The following EIF4E3 variants were observed in gnomAD, a reference collection of about 807,000 sequenced individuals.
EIF4E3 encodes the protein eukaryotic translation initiation factor 4E type 3.
A neutral mutation model predicts 31.7 loss-of-function variants in EIF4E3; 26 were observed. The observed-to-expected ratio is 0.82, with a 90% CI of 0.60 to 1.14. EIF4E3 has a LOEUF of 1.14. EIF4E3 is among the 50% of genes most tolerant of loss of function. The probability of loss-of-function intolerance (pLI) is 0.00; values close to 1 mark genes in which losing one functional copy is unlikely to be tolerated. For missense variants in EIF4E3, 304 were observed against 270.9 expected, an observed-to-expected ratio of 1.12 and a Z score of -0.86; for synonymous variants, 128 against 107.7, an observed-to-expected ratio of 1.19 and a Z score of -1.17.
chr3:71,703,602 C>T (rs979812236), intron 2 of EIF4E3, among the ~76,000 whole-genome samples: 1 of 152,222 alleles, frequency 6.6e-6, no homozygotes, highest in East Asian at 1.9e-4. Flanking sequence ...AACTATGCCC[C>T]ACCTTACAGC....
upstream of EIF4E3, among the ~76,000 whole-genome samples, chr3:71,753,777 A>T (rs577773272): frequency 1.4e-5 from 2 of 147,828 alleles, no homozygotes; most frequent in South Asian, 2.1e-4. Flanking sequence ...GGGGCTGCGG[A>T]CGGTGGCGAG....
intron 1 of EIF4E3, among the ~76,000 whole-genome samples, chr3:71,710,850 G>A (rs1214048273): frequency 1.3e-5 from 2 of 152,110 alleles, no homozygotes; most frequent in Non-Finnish European, 1.5e-5. Flanking sequence ...TTGTACAGAC[G>A]ACAACGAAAA....
At chr3:71,705,096 T>C (rs561293312) in intron 2 of EIF4E3, among the ~76,000 whole-genome samples, 1 of 152,246 alleles carries the variant, frequency 6.6e-6, no homozygotes, top group South Asian at 2.1e-4. Context: ...TCCTCCTCTC[T>C]CCCCTCAGGC....
chr3:71,684,659 A>G lies in EIF4E3; in HGVS notation c.*23T>C, dbSNP rs763353443. ...TTTCCAAAACCAATCAGCAAAGGAC[A>G]AAGAATTCTTTACAGAGTGCAATTA... On this transcript the variant is annotated 3_prime_UTR_variant, in exon 7 of 7. Coordinates refer to ENST00000425534, the MANE Select transcript of EIF4E3 (RefSeq NM_001134651.2). 1 of 1,613,830 alleles carries G rather than the reference A, an allele frequency of 6.2e-7. No individual in the cohort carries two copies. Among genetic ancestry groups the G allele is most frequent in the Non-Finnish European group, 8.5e-7 (1 of 1,179,858 alleles).
chr3:71,674,368 A>T (rs1281522748), downstream of EIF4E3, among the ~76,000 whole-genome samples: 2 of 151,652 alleles, frequency 1.3e-5, no homozygotes, highest in Non-Finnish European at 1.5e-5. Context: ...CAGCCTCCCA[A>T]AGTGCTGAGA....
At position 71,705,026 on chromosome 3, in the gene EIF4E3, A is replaced by C. The variant is rs375201900; in HGVS notation, c.250-5318T>G. 1.1e-4 allele frequency among the ~76,000 whole-genome samples: 16 copies of C among 152,230 alleles called. 1 individual carries two copies. In the East Asian group the frequency reaches 1.2e-3, roughly 11 times the overall value. ...ATACTGGATGCAAAGTCTGTGCTAG[A>C]CAGAACTATGAAGTGGACCTGGCTG... On this transcript the variant is annotated intron_variant, in intron 2 of 6. Coordinates refer to ENST00000425534, the MANE Select transcript of EIF4E3 (RefSeq NM_001134651.2).
downstream of EIF4E3, among the ~76,000 whole-genome samples, chr3:71,672,616 A>G (rs1466929270): frequency 6.6e-6 from 1 of 152,116 alleles, no homozygotes; most frequent in African/African-American, 2.4e-5. Context: ...ATCAAGTTTG[A>G]TTAATTTGTC....
intron 1 of EIF4E3, among the ~76,000 whole-genome samples, chr3:71,739,020 A>G (rs1487160679): frequency 7.0e-6 from 1 of 143,020 alleles, no homozygotes; most frequent in Non-Finnish European, 1.5e-5. Context: ...GTTAAAAAGG[A>G]AGTCTCAAAG....
At chr3:71,744,367 AC>A (rs1388125896) in intron 1 of EIF4E3, among the ~76,000 whole-genome samples, 1 of 152,250 alleles carries the variant, frequency 6.6e-6, no homozygotes, top group African/African-American at 2.4e-5. Flanking sequence ...ATAATTGCCA[AC>A]CCAGTAGAAT....
At chr3:71,703,811 C>CAAAAAAAAA (rs370789059) in intron 2 of EIF4E3, among the ~76,000 whole-genome samples, 11 of 72,414 alleles carry the variant, frequency 1.5e-4, no homozygotes, top group African/African-American at 1.7e-4. Flanking sequence ...AAACACACAT[C>CAAAAAAAAA]AAAAAAAAAA....
chr3:71,674,090 CTTTTTTTTTTTTTTTTT>C (rs71277509), downstream of EIF4E3, among the ~76,000 whole-genome samples: 6 of 25,056 alleles, frequency 2.4e-4, no homozygotes, highest in Non-Finnish European at 5.6e-4. Context: ...ATCAACTGTA[CTTTTTTTTTTTTTTTTT>C]TTTTTTTTTT....
chr3:71,669,432 C>T, the EIF4E3 span, among the ~76,000 whole-genome samples: 1 of 152,156 alleles, frequency 6.6e-6, no homozygotes, highest in Non-Finnish European at 1.5e-5. Flanking sequence ...GAGCCGCTTT[C>T]AAAACCTGTA....
chr3:71,724,911 T>G (rs980150024), intron 1 of EIF4E3, among the ~76,000 whole-genome samples: 3 of 152,004 alleles, frequency 2.0e-5, no homozygotes, highest in African/African-American at 7.2e-5. Context: ...CGCGTTCCGA[T>G]CGGAAGGGAA....
chr3:71,726,833 CAG>C (rs1394080138), upstream of EIF4E3, among the ~76,000 whole-genome samples: 3 of 152,158 alleles, frequency 2.0e-5, no homozygotes, highest in African/African-American at 4.8e-5. Context: ...AACACTAAAA[CAG>C]GGGAGGGTGC....
intron 2 of EIF4E3, among the ~76,000 whole-genome samples, chr3:71,704,147 C>T (rs911905236): frequency 1.3e-5 from 2 of 152,166 alleles, no homozygotes; most frequent in African/African-American, 4.8e-5. Flanking sequence ...AAGAGAGAGC[C>T]CAAGTGTGGA....
At position 71,684,424 on chromosome 3, in the gene EIF4E3, C is replaced by T. The variant is rs1043572414; in HGVS notation, c.*258G>A. ...AAAAAAAAAATCAGAGTGAAAAGAA[C>T]AGAGAATTTAGAAAGCCAAAAAAAA... On this transcript the variant is annotated 3_prime_UTR_variant, in exon 7 of 7. Transcript: ENST00000425534. 7 of 310,230 alleles carry T rather than the reference C, an allele frequency of 2.3e-5. No homozygotes were observed. Among genetic ancestry groups the T allele is most frequent in the Admixed American group, 9.8e-5 (2 of 20,396 alleles). 19.2% of individuals were successfully genotyped at this position (310,230 alleles called of 1,614,324 possible).
At chr3:71,688,058 T>G (rs1268505529) in intron 6 of EIF4E3, among the ~76,000 whole-genome samples, 1 of 152,224 alleles carries the variant, frequency 6.6e-6, no homozygotes, top group African/African-American at 2.4e-5. Context: ...ATCTTTGAGT[T>G]TTTAAATGCC....
At chr3:71,739,763 G>T (rs566054292) in intron 1 of EIF4E3, among the ~76,000 whole-genome samples, 8 of 152,016 alleles carry the variant, frequency 5.3e-5, no homozygotes, top group Non-Finnish European at 7.4e-5. Context: ...AGGGAACGTA[G>T]ATGTACAGAA....
chr3:71,717,449 A>G (rs1011981474), intron 1 of EIF4E3, among the ~76,000 whole-genome samples: 2 of 152,230 alleles, frequency 1.3e-5, no homozygotes, highest in Non-Finnish European at 2.9e-5. Flanking sequence ...GTTCTGTAAA[A>G]GCACTTAAAT....
Sources: gnomAD v4.1 joint callset for allele counts (sites outside exome capture counted in the v4.1 genomes callset) on GRCh38, gnomAD v4.1.1 for gene constraint, MANE v1.5 for transcripts, NCBI Gene and HGNC (gene_info 2026-07-23, HGNC 2026-07-21) for gene names.